ANTXRL: variants seen among roughly 807,000 people sequenced by gnomAD.
ANTXRL encodes the protein ANTXR like.
In ANTXRL, 63 loss-of-function variants were observed where a neutral mutation model predicts 75.4. The observed-to-expected ratio is 0.84, with a 90% CI of 0.68 to 1.03. The LOEUF is 1.03. ANTXRL is among the 50% of genes least tolerant of loss of function. The pLI is 0.00. For synonymous variants in ANTXRL, 335 were observed against 291.3 expected, an observed-to-expected ratio of 1.15 and a Z score of -1.53; for missense variants, 797 against 789.4, an observed-to-expected ratio of 1.01 and a Z score of -0.12.
intron 7 of ANTXRL, 24 bp from the exon 8 acceptor site, chr10:46,297,807 C>A: frequency 6.5e-7 from 1 of 1,534,740 alleles, no homozygotes; most frequent in South Asian, 1.2e-5. Context: ...GGTGGGGAGT[C>A]CAACCCAGCT....
intron 11 of ANTXRL, 55 bp downstream of exon 11, chr10:46,306,927 G>A (rs1205340627): frequency 1.4e-5 from 19 of 1,406,604 alleles, no homozygotes; most frequent in African/African-American, 1.0e-4. Context: ...TCAGGGTTGG[G>A]CACCTTGAGG....
chr10:46,308,730 G>A (rs1262973607), intron 12 of ANTXRL: 13 of 342,322 alleles, frequency 3.8e-5, no homozygotes, highest in Non-Finnish European at 7.3e-5. Flanking sequence ...TGGAAGTGGG[G>A]AGAGAGGCTG....
chr10:46,296,601 G>A lies in ANTXRL; in HGVS notation c.508+349G>A, dbSNP rs551680520. Among the ~76,000 whole-genome samples the A allele has an allele frequency of 1.8e-4, 27 of 152,194 alleles. No individual in the cohort carries two copies. In the South Asian group the frequency reaches 5.2e-3, roughly 29 times the overall value. On this transcript the variant is annotated intron_variant, in intron 5 of 16. Transcript: ENST00000620264. Reference sequence around the variant, plus strand: ...CTCCTCCCTTGCATGTCTTCCCTCCGAGTGACTTGCATCCCCTGACCCTGT... The same window carrying A: ...CTCCTCCCTTGCATGTCTTCCCTCCAAGTGACTTGCATCCCCTGACCCTGT...
intron 10 of ANTXRL, among the ~76,000 whole-genome samples, chr10:46,304,922 T>G (rs1261486350): frequency 6.6e-6 from 1 of 152,148 alleles, no homozygotes. Flanking sequence ...GAGCTTACCA[T>G]CTACATCTCC....
rs543475217 is a variant in ANTXRL at position 46,316,203 on chromosome 10, T to A, written c.1410+2887T>A. On this transcript the variant is annotated intron_variant, in intron 16 of 16. Transcript: ENST00000620264. ...ATGATATAACAGCCTTTCCAGTGAG[T>A]TTAATTCGTGTGCGCACCACAGCAG... Among the ~76,000 whole-genome samples, 7 of 152,064 alleles carry A rather than the reference T, an allele frequency of 4.6e-5. No homozygotes were observed. The South Asian group carries it at 1.5e-3, about 32-fold the overall frequency.
chr10:46,304,231 G>A (rs7077276), intron 10 of ANTXRL, among the ~76,000 whole-genome samples: 40,304 of 151,826 alleles, frequency 0.27, 4,724 homozygotes, highest in East Asian at 0.39. Context: ...CCTCAAAGCA[G>A]CCTTACAGAA....
Position 46,329,966 on chromosome 10 carries a change from G to T in ANTXRL, c.1778G>T (p.Arg593Leu). 1.3e-6 allele frequency: 2 copies of T among 1,534,316 alleles called. No individual in the cohort carries two copies. The highest frequency in any genetic ancestry group is 2.0e-5 in the Admixed American group (1 of 50,798). Residue 593 changes from arginine to leucine, a missense_variant, in exon 17 of 17, where the codon CGC becomes CTC. Physicochemically the swap from Arg to Leu is moderately radical, Grantham distance 102. Around this residue, in one of 3 missense-constraint regions of ANTXRL, gnomAD observed 479 missense variants for 422.0 expected, o/e 1.14. Coordinates refer to ENST00000620264, the MANE Select transcript of ANTXRL (RefSeq NM_001278688.3). ...CLPLTCSSRC[R>L]LPPARCLRPP... Reference sequence around the variant, plus strand: ...CCCCTCACCTGCTCCTCCAGGTGCCGCCTCCCCCCAGCTAGGTGCTTGAGG... The same window carrying T: ...CCCCTCACCTGCTCCTCCAGGTGCCTCCTCCCCCCAGCTAGGTGCTTGAGG...
chr10:46,327,261 C>T (rs1839266112), intron 16 of ANTXRL, among the ~76,000 whole-genome samples: 1 of 152,064 alleles, frequency 6.6e-6, no homozygotes, highest in African/African-American at 2.4e-5. Flanking sequence ...GTCTGGCGTG[C>T]AGGCTGGGTG....
intron 14 of ANTXRL, among the ~76,000 whole-genome samples, chr10:46,310,818 C>T (rs1184963113): frequency 8.5e-5 from 13 of 152,216 alleles, no homozygotes; most frequent in Non-Finnish European, 7.3e-5. Flanking sequence ...AGGACAGAGG[C>T]GCTCTGGAAA....
intron 7 of ANTXRL, 122 bp downstream of exon 7, chr10:46,297,596 G>A: frequency 9.9e-7 from 1 of 1,008,092 alleles, no homozygotes; most frequent in South Asian, 1.5e-5. Context: ...GCCAACTCAT[G>A]GCCACTGCAG....
intron 2 of ANTXRL, among the ~76,000 whole-genome samples, 179 bp from the exon 3 acceptor site, chr10:46,293,650 C>G (rs1204695534): frequency 6.6e-6 from 1 of 151,932 alleles, no homozygotes; most frequent in Non-Finnish European, 1.5e-5. Context: ...ACTCTCCCTT[C>G]TATGGAGCCC....
chr10:46,297,815 G>T lies in ANTXRL; in HGVS notation c.655-16G>T. ...ACCTCCTGGTGGGGAGTCCAACCCAGCTCTGCTCTCTGTAGATAACAGCAA... is the reference window on the plus strand; with the variant it reads ...ACCTCCTGGTGGGGAGTCCAACCCATCTCTGCTCTCTGTAGATAACAGCAA... On this transcript the variant is annotated splice_polypyrimidine_tract_variant and intron_variant, in intron 7 of 16. Transcript: ENST00000620264. The T allele has an allele frequency of 6.5e-7, 1 of 1,535,574 alleles. No individual in the cohort carries two copies. The highest frequency in any genetic ancestry group is 8.7e-7 in the Non-Finnish European group (1 of 1,146,478).
chr10:46,298,835 G>T lies in ANTXRL; in HGVS notation c.796+773G>T, dbSNP rs114247828. ...TGTGGTGTGTGGTGTGATGTGTGTG[G>T]TATGGGGTGGGTTGAGTGTGTTTGT... is the stretch of plus-strand genomic sequence containing the variant. On this transcript the variant is annotated intron_variant, in intron 9 of 16. Coordinates refer to ENST00000620264, the MANE Select transcript of ANTXRL (RefSeq NM_001278688.3). 4.5e-3 allele frequency among the ~76,000 whole-genome samples: 676 copies of T among 151,764 alleles called. 8 individuals are homozygous for T. The highest frequency in any genetic ancestry group is 0.015 in the African/African-American group (626 of 41,320).
chr10:46,307,212 A>G (rs1208242929), intron 11 of ANTXRL, among the ~76,000 whole-genome samples, 190 bp from the exon 12 acceptor site: 1 of 152,122 alleles, frequency 6.6e-6, no homozygotes, highest in Middle Eastern at 3.2e-3. Flanking sequence ...CTGGTCATTT[A>G]GGACGCGGTC....
rs1444512068 is a variant in ANTXRL at position 46,292,229 on chromosome 10, GTCCT to G, written c.320+103_320+106del. ...CCCATCAGATGGGGTGGGCGTGGGAGTCCTTCAGTGGGGGACACAGAGCACAAGG... is the reference window on the plus strand; with the variant it reads ...CCCATCAGATGGGGTGGGCGTGGGAGTCAGTGGGGGACACAGAGCACAAGG... On this transcript the variant is annotated intron_variant, in intron 2 of 16. Transcript: ENST00000620264. The G allele has an allele frequency of 8.2e-6, 9 of 1,099,942 alleles. No individual in the cohort carries two copies. In the African/African-American group the frequency reaches 1.2e-4, roughly 15 times the overall value. 68.1% of individuals were successfully genotyped at this position (1,099,942 alleles called of 1,614,324 possible). A position where few individuals can be genotyped will look rare whatever the true frequency, so the allele number is the denominator to read the frequency against.
chr10:46,308,087 G>A (rs1554962381), intron 12 of ANTXRL, among the ~76,000 whole-genome samples: 1 of 152,170 alleles, frequency 6.6e-6, no homozygotes, highest in East Asian at 1.9e-4. Context: ...CGCATAGGCA[G>A]GAGGATGTGC....
intron 1 of ANTXRL, among the ~76,000 whole-genome samples, chr10:46,290,763 A>ATT (rs75129433): frequency 4.0e-5 from 6 of 151,598 alleles, no homozygotes; most frequent in African/African-American, 1.5e-4. Context: ...TCCTTTGCCC[A>ATT]TTTTTTTTGT....
intron 16 of ANTXRL, among the ~76,000 whole-genome samples, chr10:46,326,089 TG>T (rs1554966403): frequency 6.9e-6 from 1 of 145,384 alleles, no homozygotes; most frequent in Non-Finnish European, 1.5e-5. Context: ...GTAAGGCATC[TG>T]GGTTTTTTTT....
intron 2 of ANTXRL, among the ~76,000 whole-genome samples, chr10:46,292,510 G>C (rs1261792749): frequency 6.6e-6 from 1 of 152,204 alleles, no homozygotes; most frequent in Non-Finnish European, 1.5e-5. Flanking sequence ...AACTCCTAAG[G>C]ACAAAGTCAA....
Sources: gnomAD v4.1 joint callset for allele counts (sites outside exome capture counted in the v4.1 genomes callset) on GRCh38, gnomAD v4.1.1 for gene constraint, gnomAD v4.1.1 regional missense constraint, MANE v1.5 for transcripts, NCBI Gene and HGNC (gene_info 2026-07-23, HGNC 2026-07-21) for gene names.